The following NCALD variants were observed in gnomAD, a reference collection of about 807,000 sequenced individuals.
NCALD encodes neurocalcin-delta.
Under a neutral mutation model 18.6 loss-of-function variants are expected in NCALD, and 10 were observed. The ratio of observed to expected loss-of-function variants is 0.54; its 90% CI spans 0.33 to 0.91. The LOEUF (loss-of-function observed/expected upper bound fraction) is 0.91, where lower values mean the gene tolerates loss of function less well. NCALD is among the 40% of genes least tolerant of loss of function. The pLI is 0.03. For missense variants in NCALD, 184 were observed against 247.6 expected, an observed-to-expected ratio of 0.74 and a Z score of 1.72; for synonymous variants, 88 against 87.4, an observed-to-expected ratio of 1.01 and a Z score of -0.04.
At chr8:101,752,073 A>T (rs1810682884) in intron 1 of NCALD, among the ~76,000 whole-genome samples, 2 of 152,182 alleles carry the variant, frequency 1.3e-5, no homozygotes, top group African/African-American at 4.8e-5. Flanking sequence ...TTATTATGCC[A>T]TTAGAAACAG....
upstream of NCALD, among the ~76,000 whole-genome samples, chr8:101,795,836 A>C (rs1812618108): frequency 6.6e-6 from 1 of 152,230 alleles, no homozygotes; most frequent in Non-Finnish European, 1.5e-5. Context: ...AGGGACTAAG[A>C]TTGTAGACAG....
At chr8:101,869,304 G>T (rs558985) in intron 4 of NCALD, among the ~76,000 whole-genome samples, 59,762 of 151,964 alleles carry the variant, frequency 0.39, 15,118 homozygotes, top group African/African-American at 0.71. Flanking sequence ...TCAGAGTCAG[G>T]AGTAGGAGAT....
intron 2 of NCALD, among the ~76,000 whole-genome samples, chr8:101,976,456 A>C (rs573383237): frequency 1.3e-5 from 2 of 152,338 alleles, no homozygotes; most frequent in East Asian, 3.9e-4. Flanking sequence ...CAGGGATGAA[A>C]AGATAAAATA....
intron 1 of NCALD, among the ~76,000 whole-genome samples, chr8:101,760,350 A>G (rs1811061191): frequency 6.6e-6 from 1 of 152,122 alleles, no homozygotes; most frequent in Non-Finnish European, 1.5e-5. Flanking sequence ...GGGGCCCTCC[A>G]CTGAGCAGCC....
At chr8:101,777,483 G>A (rs1161292960) in intron 1 of NCALD, among the ~76,000 whole-genome samples, 2 of 152,186 alleles carry the variant, frequency 1.3e-5, no homozygotes, top group South Asian at 4.1e-4. Context: ...TGGATCTGAT[G>A]AATGGAATTG....
chr8:102,025,088 C>T (rs1022125820), intron 1 of NCALD, among the ~76,000 whole-genome samples: 8 of 152,208 alleles, frequency 5.3e-5, no homozygotes, highest in Non-Finnish European at 1.0e-4. Context: ...CTCAACCTGA[C>T]ACTACCCTCC....
At chr8:101,900,582 T>G (rs1019041093) in intron 3 of NCALD, among the ~76,000 whole-genome samples, 15 of 151,976 alleles carry the variant, frequency 9.9e-5, no homozygotes, top group Non-Finnish European at 2.1e-4. Context: ...ACGTATTTTT[T>G]TATTTCTTTG....
chr8:101,946,355 CAG>C (rs1819171483), intron 2 of NCALD, among the ~76,000 whole-genome samples: 1 of 152,008 alleles, frequency 6.6e-6, no homozygotes, highest in African/African-American at 2.4e-5. Context: ...ACAATGTAGC[CAG>C]AGAGACAGGC....
At chr8:101,760,930 G>C (rs1811084193) in intron 1 of NCALD, among the ~76,000 whole-genome samples, 1 of 150,732 alleles carries the variant, frequency 6.6e-6, no homozygotes, top group Middle Eastern at 3.4e-3. Flanking sequence ...AGTGCAAATG[G>C]GTGAAGTTTT....
At chr8:101,952,070 C>A (rs1460646673) in intron 2 of NCALD, among the ~76,000 whole-genome samples, 1 of 152,186 alleles carries the variant, frequency 6.6e-6, no homozygotes, top group Admixed American at 6.5e-5. Context: ...CAGTGTTAGA[C>A]CCAAGCTCCT....
chr8:102,124,473 C>A (rs914075583), upstream of NCALD: 2 of 129,056 alleles, frequency 1.5e-5, no homozygotes, highest in African/African-American at 5.6e-5. Context: ...AGATGAGGCG[C>A]GGGATTTGCA....
intron 2 of NCALD, among the ~76,000 whole-genome samples, chr8:101,989,650 C>T (rs1378836202): frequency 3.3e-5 from 5 of 152,176 alleles, no homozygotes; most frequent in Admixed American, 6.5e-5. Flanking sequence ...CTTAGATTGA[C>T]GGACTATAGC....
At chr8:101,907,617 T>C (rs1817653762) in intron 3 of NCALD, among the ~76,000 whole-genome samples, 1 of 152,110 alleles carries the variant, frequency 6.6e-6, no homozygotes, top group Non-Finnish European at 1.5e-5. Flanking sequence ...TAAAGAACTT[T>C]GTATCCCTCA....
At chr8:101,825,041 T>C (rs183639169) in intron 4 of NCALD, among the ~76,000 whole-genome samples, 7 of 152,348 alleles carry the variant, frequency 4.6e-5, no homozygotes, top group African/African-American at 1.2e-4. Flanking sequence ...AGTGTCCCAA[T>C]GTAGATACCC....
chr8:102,096,503 C>G (rs897882985), intron 1 of NCALD, among the ~76,000 whole-genome samples: 1 of 152,232 alleles, frequency 6.6e-6, no homozygotes, highest in Admixed American at 6.5e-5. Context: ...CCAGAGACTA[C>G]TCCCTTTGCA....
chr8:102,012,633 CA>C (rs2132071130), intron 2 of NCALD, among the ~76,000 whole-genome samples: 1 of 152,336 alleles, frequency 6.6e-6, no homozygotes, highest in East Asian at 1.9e-4. Flanking sequence ...TCTTGAGAAG[CA>C]ATGCAGAGGG....
chr8:101,777,987 A>C (rs894502501), intron 1 of NCALD, among the ~76,000 whole-genome samples: 1 of 152,222 alleles, frequency 6.6e-6, no homozygotes, highest in African/African-American at 2.4e-5. Flanking sequence ...CTGGAGCCAT[A>C]GGGAGAAGGA....
chr8:102,074,484 G>C (rs569169662), intron 1 of NCALD, among the ~76,000 whole-genome samples: 3 of 152,260 alleles, frequency 2.0e-5, no homozygotes, highest in Admixed American at 2.0e-4. Flanking sequence ...TGTGACAGCT[G>C]ATTCTGAACC....
At chr8:101,801,628 T>A (rs1812856714) in intron 4 of NCALD, among the ~76,000 whole-genome samples, 1 of 146,706 alleles carries the variant, frequency 6.8e-6, no homozygotes, top group African/African-American at 2.5e-5. Flanking sequence ...TCTCTATGAT[T>A]TACAAGCACA....
Sources: gnomAD v4.1 joint callset for allele counts (sites outside exome capture counted in the v4.1 genomes callset) on GRCh38, gnomAD v4.1.1 for gene constraint, MANE v1.5 for transcripts, NCBI Gene and HGNC (gene_info 2026-07-23, HGNC 2026-07-21) for gene names.